ARIH2: variants seen among roughly 807,000 people sequenced by gnomAD.
The protein encoded by ARIH2 is ariadne RBR E3 ubiquitin protein ligase 2.
ARIH2 carries 12 observed loss-of-function variants against 79.8 expected under a neutral mutation model. The ratio of observed to expected loss-of-function variants is 0.15; its 90% CI spans 0.10 to 0.24. ARIH2 has a LOEUF of 0.24. Among genes scored for constraint, ARIH2 ranks in the 10% least tolerant of loss-of-function variants. The probability of loss-of-function intolerance (pLI) is 1.00; values close to 1 mark genes in which losing one functional copy is unlikely to be tolerated. For synonymous variants in ARIH2, 224 were observed against 213.9 expected, an observed-to-expected ratio of 1.05 and a Z score of -0.41; for missense variants, 301 against 618.3, an observed-to-expected ratio of 0.49 and a Z score of 5.44.
intron 3 of ARIH2, among the ~76,000 whole-genome samples, chr3:48,952,641 A>G (rs929156902): frequency 3.3e-5 from 5 of 152,128 alleles, no homozygotes; most frequent in African/African-American, 1.2e-4. Context: ...TGGTTAAGGA[A>G]GAGTGAGACG....
intron 3 of ARIH2, among the ~76,000 whole-genome samples, chr3:48,956,104 T>C (rs1019700466): frequency 6.6e-6 from 1 of 152,120 alleles, no homozygotes; most frequent in African/African-American, 2.4e-5. Context: ...TCCAATCTTC[T>C]GTGTACTATC....
At chr3:48,931,570 T>A (rs985786112) in intron 3 of ARIH2, among the ~76,000 whole-genome samples, 6 of 149,416 alleles carry the variant, frequency 4.0e-5, no homozygotes, top group South Asian at 2.1e-4. Flanking sequence ...AGAGAAAAAA[T>A]TTTTAAGTGG....
chr3:48,971,907 T>C (rs779015881), intron 8 of ARIH2, among the ~76,000 whole-genome samples: 5 of 152,244 alleles, frequency 3.3e-5, no homozygotes, highest in Non-Finnish European at 7.3e-5. Context: ...CAAAGTACTG[T>C]TGGCCTCCAC....
At position 48,968,672 on chromosome 3, in the gene ARIH2, T is replaced by TTC. The variant is rs1310997174; in HGVS notation, c.660+19_660+20dup. On this transcript the variant is annotated intron_variant, in intron 7 of 15. Transcript: ENST00000356401. ...TATGTGGAGGTATGGCCAGCCTTTG[T>TTC]TCTGCCCTCTGTCTTCCCGGGCCTA... 3.1e-6 allele frequency: 5 copies of TTC among 1,602,042 alleles called. No homozygotes were observed. The African/African-American group carries it at 6.7e-5, about 21-fold the overall frequency.
At chr3:48,949,764 T>C (rs2089711364) in intron 3 of ARIH2, among the ~76,000 whole-genome samples, 4 of 152,178 alleles carry the variant, frequency 2.6e-5, no homozygotes, top group Admixed American at 2.6e-4. Context: ...TAGTTTGAAT[T>C]ATTTTATCAG....
intron 3 of ARIH2, among the ~76,000 whole-genome samples, chr3:48,931,126 C>T (rs1230516977): frequency 1.3e-5 from 2 of 152,146 alleles, no homozygotes; most frequent in Non-Finnish European, 2.9e-5. Context: ...CTTGCCCTGT[C>T]TCACAACTGG....
intron 8 of ARIH2, among the ~76,000 whole-genome samples, chr3:48,971,578 A>G (rs529372517): frequency 1.3e-5 from 2 of 152,336 alleles, no homozygotes; most frequent in Admixed American, 6.5e-5. Context: ...ATCAAGGTAC[A>G]AGGTAAACCT....
intron 1 of ARIH2, 118 bp from the exon 2 acceptor site, chr3:48,922,630 A>C (rs1182590109): frequency 6.6e-6 from 1 of 152,158 alleles, no homozygotes; most frequent in Non-Finnish European, 1.5e-5. Context: ...AATTAATTTA[A>C]TAGTTACTCT....
Position 48,974,882 on chromosome 3 carries a change from C to T in ARIH2, c.939+15C>T. ...GCAATCACATGGTGAGCAGAAGCCT[C>T]TGCAGTTTGCATGTGTGACATGGAA... On this transcript the variant is annotated intron_variant, in intron 10 of 15. Transcript: ENST00000356401. The T allele has an allele frequency of 6.2e-7, 1 of 1,614,230 alleles. No individual in the cohort carries two copies. Among genetic ancestry groups the T allele is most frequent in the Non-Finnish European group, 8.5e-7 (1 of 1,180,054 alleles).
intron 8 of ARIH2, among the ~76,000 whole-genome samples, chr3:48,972,540 A>T (rs563092732): frequency 6.6e-6 from 1 of 152,320 alleles, no homozygotes; most frequent in South Asian, 2.1e-4. Context: ...GCTAGTCAGG[A>T]GGCTGAGGCA....
At chr3:48,940,469 G>A (rs1002889648) in intron 3 of ARIH2, among the ~76,000 whole-genome samples, 2 of 152,102 alleles carry the variant, frequency 1.3e-5, no homozygotes, top group Non-Finnish European at 2.9e-5. Context: ...GGAGGCCCAG[G>A]CGGGCAGATC....
At chr3:48,959,985 G>T (rs2091080824) in intron 3 of ARIH2, among the ~76,000 whole-genome samples, 1 of 152,226 alleles carries the variant, frequency 6.6e-6, no homozygotes, top group Non-Finnish European at 1.5e-5. Flanking sequence ...TGTGGACCAG[G>T]CACATACTAC....
intron 3 of ARIH2, among the ~76,000 whole-genome samples, chr3:48,931,772 T>G (rs965519335): frequency 1.3e-5 from 2 of 152,010 alleles, no homozygotes; most frequent in South Asian, 4.1e-4. Context: ...ATCCGAGTAC[T>G]TTGGGAGGCC....
chr3:48,935,839 A>G (rs1404034194), intron 3 of ARIH2, among the ~76,000 whole-genome samples: 3 of 152,130 alleles, frequency 2.0e-5, no homozygotes, highest in Admixed American at 2.0e-4. Context: ...CTTGAATCAT[A>G]GGGTAGGAGC....
intron 9 of ARIH2, 36 bp from the exon 10 acceptor site, chr3:48,974,781 G>A (rs1390384481): frequency 6.2e-7 from 1 of 1,610,870 alleles, no homozygotes; most frequent in Non-Finnish European, 8.5e-7. Context: ...CAACCTGGTG[G>A]TGTGTGAGCC....
At chr3:48,965,132 A>G (rs936603333) in intron 5 of ARIH2, 150 bp downstream of exon 5, 1 of 562,844 alleles carries the variant, frequency 1.8e-6, no homozygotes, top group Non-Finnish European at 3.1e-6. Flanking sequence ...AGGCGGGTGG[A>G]TTACGAGGTC....
chr3:48,930,124 G>C (rs2086171278), intron 3 of ARIH2, among the ~76,000 whole-genome samples: 1 of 152,130 alleles, frequency 6.6e-6, no homozygotes, highest in Non-Finnish European at 1.5e-5. Context: ...AAAAAAGGTT[G>C]TGGCTCTTTT....
intron 9 of ARIH2, among the ~76,000 whole-genome samples, chr3:48,974,326 G>A (rs1396785518): frequency 2.6e-5 from 4 of 152,158 alleles, no homozygotes; most frequent in African/African-American, 9.7e-5. Context: ...TCGACTTCAC[G>A]GCAGTGGGAG....
Position 48,979,829 on chromosome 3 carries a change from G to A in ARIH2, c.1113+196G>A, listed in dbSNP as rs1466578557. ...TATAGGGTATATCCCCAGCCAACAGGGAAGGACCTGGTACTGACCTTGGTT... is the reference window on the plus strand; with the variant it reads ...TATAGGGTATATCCCCAGCCAACAGAGAAGGACCTGGTACTGACCTTGGTT... On this transcript the variant is annotated intron_variant, in intron 12 of 15. Coordinates refer to ENST00000356401, the MANE Select transcript of ARIH2 (RefSeq NM_006321.4). The A allele has an allele frequency of 7.4e-6, 4 of 539,612 alleles. No homozygotes were observed. In the Admixed American group the frequency reaches 1.0e-4, roughly 14 times the overall value. 33.4% of individuals were successfully genotyped at this position (539,612 alleles called of 1,614,324 possible). A position where few individuals can be genotyped will look rare whatever the true frequency, so the allele number is the denominator to read the frequency against.
Sources: gnomAD v4.1 joint callset for allele counts (sites outside exome capture counted in the v4.1 genomes callset) on GRCh38, gnomAD v4.1.1 for gene constraint, MANE v1.5 for transcripts, NCBI Gene and HGNC (gene_info 2026-07-23, HGNC 2026-07-21) for gene names.